The following PDCD1LG2 variants were observed in gnomAD, a reference collection of about 807,000 sequenced individuals.
PDCD1LG2 encodes the protein B7 dendritic cell molecule.
In PDCD1LG2, 32 loss-of-function variants were observed where a neutral mutation model predicts 28.2. The ratio of observed to expected loss-of-function variants is 1.13; its 90% CI spans 0.86 to 1.52. PDCD1LG2 has a LOEUF of 1.52. Among genes scored for constraint, PDCD1LG2 ranks in the 40% most tolerant of loss-of-function variants. PDCD1LG2 has a pLI of 0.00. For synonymous variants in PDCD1LG2, 116 were observed against 120.2 expected (o/e 0.97, Z 0.23); for missense variants, 385 against 323.8 (o/e 1.19, Z -1.45).
At position 5,557,647 on chromosome 9, in the gene PDCD1LG2, T is replaced by C; in HGVS notation, c.661T>C (p.Trp221Arg). The C allele has an allele frequency of 6.2e-7, 1 of 1,613,714 alleles. No individual in the cohort carries two copies. Among genetic ancestry groups the C allele is most frequent in the Non-Finnish European group, 8.5e-7 (1 of 1,179,886 alleles). ...GATGGAACCCAGGACCCATCCAACTTGGCTGCTTCACATTTTCATCCCCTT... is the reference window on the plus strand; with the variant it reads ...GATGGAACCCAGGACCCATCCAACTCGGCTGCTTCACATTTTCATCCCCTT... ...SQMEPRTHPT[W>R]LLHIFIPFCI... is the part of the protein sequence containing the mutation. Residue 221 changes from tryptophan to arginine, a missense_variant, in exon 5 of 7, where the codon TGG (tryptophan) becomes CGG (arginine). By Grantham distance (101) the Trp-to-Arg change is moderately radical (BLOSUM62 -3). Coordinates refer to ENST00000397747, the MANE Select transcript of PDCD1LG2 (RefSeq NM_025239.4).
chr9:5,570,376 T>G lies in PDCD1LG2; in HGVS notation c.*417T>G. 1 of 245,744 alleles carries G rather than the reference T, an allele frequency of 4.1e-6. No homozygotes were observed. Among genetic ancestry groups the G allele is most frequent in the South Asian group, 1.5e-4 (1 of 6,512 alleles). 15.2% of individuals were successfully genotyped at this position (245,744 alleles called of 1,614,324 possible). A position where few individuals can be genotyped will look rare whatever the true frequency, so the allele number is the denominator to read the frequency against. On this transcript the variant is annotated 3_prime_UTR_variant, in exon 7 of 7. Transcript: ENST00000397747. ...CAGATGGGTTGCCAATAGAGTTATT[T>G]TTTATCTATAGCTTCCTCTGGGTAC... is the stretch of plus-strand genomic sequence containing the variant.
At chr9:5,511,028 A>C (rs1473123085) in intron 1 of PDCD1LG2, among the ~76,000 whole-genome samples, 7 of 152,210 alleles carry the variant, frequency 4.6e-5, no homozygotes, top group African/African-American at 9.6e-5. Flanking sequence ...CAGTTTTATA[A>C]GGTGAGATAT....
chr9:5,531,900 T>A (rs928863546), intron 2 of PDCD1LG2, among the ~76,000 whole-genome samples: 2 of 152,232 alleles, frequency 1.3e-5, no homozygotes, highest in African/African-American at 4.8e-5. Context: ...GGCATATGAT[T>A]ACTACATATT....
chr9:5,522,433 C>A, intron 1 of PDCD1LG2, 100 bp from the exon 2 acceptor site: 1 of 871,372 alleles, frequency 1.1e-6, no homozygotes, highest in Non-Finnish European at 1.8e-6. Context: ...TGTCACCTTC[C>A]CCAAATGATT....
rs149087995 is a variant in PDCD1LG2 at position 5,534,977 on chromosome 9, C to T, written c.288C>T (p.Asp96=). The change falls in exon 3 of 7, where the codon GAC becomes GAT. Residue 96 remains aspartate, a synonymous_variant. Coordinates refer to ENST00000397747, the MANE Select transcript of PDCD1LG2 (RefSeq NM_025239.4). ...SFHIPQVQVR[D]EGQYQCIIIY... ...ACATACCTCAAGTCCAAGTGAGGGA[C>T]GAAGGACAGTACCAATGCATAATCA... is the stretch of plus-strand genomic sequence containing the variant. The T allele has an allele frequency of 6.4e-5, 104 of 1,613,898 alleles. No homozygotes were observed. The Admixed American group carries it at 1.5e-3, about 23-fold the overall frequency.
chr9:5,533,839 T>C (rs1169103861), intron 2 of PDCD1LG2, among the ~76,000 whole-genome samples: 1 of 151,664 alleles, frequency 6.6e-6, no homozygotes, highest in Non-Finnish European at 1.5e-5. Context: ...TATATAACCA[T>C]AATGACAAAA....
At chr9:5,510,837 T>TG (rs113352172) in intron 1 of PDCD1LG2, 34 bp downstream of exon 1, 39,733 of 152,396 alleles carry the variant, frequency 0.26, 5,531 homozygotes, top group East Asian at 0.45. Flanking sequence ...ACTCTCATAC[T>TG]ATTATGTTGT....
rs915297873 is a variant in PDCD1LG2, at chr9:5,517,509, G to T, written c.-14-5024G>T. 2.2e-4 allele frequency among the ~76,000 whole-genome samples: 34 copies of T among 152,220 alleles called. 2 individuals are homozygous for T. On this transcript the variant is annotated intron_variant, in intron 1 of 6. Coordinates refer to ENST00000397747, the MANE Select transcript of PDCD1LG2 (RefSeq NM_025239.4). Reference sequence around the variant, plus strand: ...TTAAAGCATGGGGTCCAGGACAGGGGCCTCTTGTCTTGGCTGTTGAAAAAA... The same window carrying T: ...TTAAAGCATGGGGTCCAGGACAGGGTCCTCTTGTCTTGGCTGTTGAAAAAA...
chr9:5,561,417 A>C (rs924574455), intron 5 of PDCD1LG2, among the ~76,000 whole-genome samples: 1 of 152,212 alleles, frequency 6.6e-6, no homozygotes, highest in Non-Finnish European at 1.5e-5. Flanking sequence ...GGCTCAGAAA[A>C]GTTATATGAC....
At chr9:5,561,836 G>A (rs1481696522) in intron 5 of PDCD1LG2, among the ~76,000 whole-genome samples, 1 of 152,202 alleles carries the variant, frequency 6.6e-6, no homozygotes, top group East Asian at 1.9e-4. Flanking sequence ...GAGGTTTAAA[G>A]ACCAAATATG....
In PDCD1LG2 at chr9:5,510,815, G is replaced by C. The variant is rs905841881; in HGVS notation, c.-15+12G>C. ...TGGCAAGTCCTCATGTGAGTAACGA[G>C]TGGGTTGAGATACTCTCATACTATT... On this transcript the variant is annotated intron_variant, in intron 1 of 6. Coordinates refer to ENST00000397747, the MANE Select transcript of PDCD1LG2 (RefSeq NM_025239.4). 3 of 149,538 alleles carry C rather than the reference G, an allele frequency of 2.0e-5. No individual in the cohort carries two copies. In the East Asian group the frequency reaches 6.1e-4, roughly 30 times the overall value. 9.3% of individuals were successfully genotyped at this position (149,538 alleles called of 1,614,324 possible). A position where few individuals can be genotyped will look rare whatever the true frequency, so the allele number is the denominator to read the frequency against.
At chr9:5,552,072 G>A (rs1816346037) in intron 4 of PDCD1LG2, among the ~76,000 whole-genome samples, 1 of 152,188 alleles carries the variant, frequency 6.6e-6, no homozygotes, top group Non-Finnish European at 1.5e-5. Flanking sequence ...ACGACCCTAA[G>A]AGATCTGAGC....
chr9:5,561,882 C>G (rs1031988746), intron 5 of PDCD1LG2, among the ~76,000 whole-genome samples: 11 of 152,158 alleles, frequency 7.2e-5, no homozygotes, highest in African/African-American at 2.7e-4. Flanking sequence ...CAGAGAATGG[C>G]AGCACTAACC....
Position 5,550,939 on chromosome 9 carries a change from C to A in PDCD1LG2, c.631+1335C>A, listed in dbSNP as rs949351670. On this transcript the variant is annotated intron_variant, in intron 4 of 6. Coordinates refer to ENST00000397747, the MANE Select transcript of PDCD1LG2 (RefSeq NM_025239.4). ...AACTCCTGACCTCAGGTGATCCGCCCGCCTCAGCCTCCCAAATTGCTAGGA... is the reference window on the plus strand; with the variant it reads ...AACTCCTGACCTCAGGTGATCCGCCAGCCTCAGCCTCCCAAATTGCTAGGA... 7.9e-5 allele frequency among the ~76,000 whole-genome samples: 12 copies of A among 152,082 alleles called. 1 individual carries two copies. The highest frequency in any genetic ancestry group is 5.9e-4 in the Admixed American group (9 of 15,272).
intron 5 of PDCD1LG2, among the ~76,000 whole-genome samples, chr9:5,561,680 CT>C (rs1170500753): frequency 6.6e-6 from 1 of 152,208 alleles, no homozygotes; most frequent in Non-Finnish European, 1.5e-5. Flanking sequence ...TAGAACATGT[CT>C]TCAGATCTTC....
chr9:5,552,244 A>G (rs1176025015), intron 4 of PDCD1LG2, among the ~76,000 whole-genome samples: 1 of 152,190 alleles, frequency 6.6e-6, no homozygotes, highest in African/African-American at 2.4e-5. Context: ...TTTCATGATA[A>G]TCAAGATTGA....
At chr9:5,532,715 G>A (rs1402825855) in intron 2 of PDCD1LG2, among the ~76,000 whole-genome samples, 1 of 152,190 alleles carries the variant, frequency 6.6e-6, no homozygotes, top group African/African-American at 2.4e-5. Context: ...TCAGAGAATG[G>A]ACTGTCCTGG....
At chr9:5,560,633 A>G (rs904005402) in intron 5 of PDCD1LG2, among the ~76,000 whole-genome samples, 19 of 151,266 alleles carry the variant, frequency 1.3e-4, no homozygotes, top group Admixed American at 1.0e-3. Flanking sequence ...CCTCATGTTG[A>G]GCCTGGGACG....
intron 2 of PDCD1LG2, among the ~76,000 whole-genome samples, chr9:5,531,337 T>C (rs559901419): frequency 2.6e-5 from 4 of 152,220 alleles, no homozygotes; most frequent in Non-Finnish European, 5.9e-5. Context: ...AAACCTCTTA[T>C]TTTGTATGGA....
Sources: gnomAD v4.1 joint callset for allele counts (sites outside exome capture counted in the v4.1 genomes callset) on GRCh38, gnomAD v4.1.1 for gene constraint, MANE v1.5 for transcripts, NCBI Gene and HGNC (gene_info 2026-07-23, HGNC 2026-07-21) for gene names.